Variants in PTPRQ observed in about 807,000 individuals in gnomAD.
PTPRQ encodes the protein protein tyrosine phosphatase receptor type Q, also known as phosphatidylinositol phosphatase PTPRQ.
Under a neutral mutation model 246.0 loss-of-function variants are expected in PTPRQ, and 199 were observed. The observed-to-expected ratio is 0.81, with a 90% CI of 0.72 to 0.91. PTPRQ has a LOEUF of 0.91. Ranked by LOEUF, PTPRQ falls within the 40% of genes least tolerant of loss-of-function variation. The probability of loss-of-function intolerance (pLI) is 0.00; values close to 1 mark genes in which losing one functional copy is unlikely to be tolerated. For synonymous variants in PTPRQ, 869 were observed against 853.2 expected, an observed-to-expected ratio of 1.02 and a Z score of -0.32; for missense variants, 2,624 against 2,528.4, an observed-to-expected ratio of 1.04 and a Z score of -0.81.
At chr12:80,572,845 G>A (rs1422784176) in intron 25 of PTPRQ, among the ~76,000 whole-genome samples, 1 of 152,032 alleles carries the variant, frequency 6.6e-6, no homozygotes, top group Non-Finnish European at 1.5e-5. Context: ...ACATTCCTGG[G>A]ATAAAACACA....
intron 33 of PTPRQ, among the ~76,000 whole-genome samples, chr12:80,622,623 A>G (rs1444277021): frequency 6.6e-6 from 1 of 152,084 alleles, no homozygotes; most frequent in African/African-American, 2.4e-5. Flanking sequence ...ACCAACACCC[A>G]GATTCTTTCA....
intron 6 of PTPRQ, among the ~76,000 whole-genome samples, chr12:80,465,780 A>G (rs1482170041): frequency 1.3e-5 from 2 of 152,190 alleles, no homozygotes; most frequent in Non-Finnish European, 2.9e-5. Flanking sequence ...ATAGATGCAG[A>G]AAAGGCCTTT....
At position 80,471,634 on chromosome 12, in the gene PTPRQ, C is replaced by T. The variant is rs548874032; in HGVS notation, c.1040-471C>T. 9.5e-5 allele frequency among the ~76,000 whole-genome samples: 13 copies of T among 136,394 alleles called. No homozygotes were observed. The East Asian group carries it at 1.0e-3, about 11-fold the overall frequency. The allele number at this position is 136,394 out of a possible 152,430, so 89.5% of individuals were successfully genotyped here. On this transcript the variant is annotated intron_variant, in intron 7 of 44. Transcript: ENST00000644991. Reference sequence around the variant, plus strand: ...CTGGGACTACAGGCGCGCGCCACTACGCCCGGCTAATTTTTTGTATTTTTA... The same window carrying T: ...CTGGGACTACAGGCGCGCGCCACTATGCCCGGCTAATTTTTTGTATTTTTA...
At chr12:80,473,611 A>G (rs188450673) in intron 8 of PTPRQ, among the ~76,000 whole-genome samples, 181 of 152,336 alleles carry the variant, frequency 1.2e-3, no homozygotes, top group Non-Finnish European at 2.1e-3. Flanking sequence ...CAATAAACAT[A>G]TTTTTATTGT....
intron 14 of PTPRQ, among the ~76,000 whole-genome samples, chr12:80,499,418 T>C (rs1894729198): frequency 6.6e-6 from 1 of 151,972 alleles, no homozygotes; most frequent in Non-Finnish European, 1.5e-5. Flanking sequence ...CCACTTTAGC[T>C]CCTTTGGCAA....
In PTPRQ at chr12:80,534,060, G is replaced by C; in HGVS notation, c.2724G>C (p.Leu908Phe). 1 of 1,533,178 alleles carries C rather than the reference G, an allele frequency of 6.5e-7. No individual in the cohort carries two copies. Among genetic ancestry groups the C allele is most frequent in the Non-Finnish European group, 8.8e-7 (1 of 1,140,160 alleles). The allele number at this position is 1,533,178 out of a possible 1,614,324, so 95.0% of individuals were successfully genotyped here. Residue 908 changes from leucine to phenylalanine, a missense_variant, in exon 18 of 45, where the codon TTG (leucine) becomes TTC (phenylalanine). Leu to Phe is a conservative substitution (Grantham distance 22, BLOSUM62 0). Coordinates refer to ENST00000644991, the MANE Select transcript of PTPRQ (RefSeq NM_001145026.2). ...LKTINVTETS[L>F]ELSDLDYNVE... The stretch of plus-strand genomic sequence containing the variant: ...CTATTAATGTCACTGAAACATCATT[G>C]GAGTTATCAGATTTGGATTATAATG...
At chr12:80,561,747 C>T (rs535979243) in intron 25 of PTPRQ, among the ~76,000 whole-genome samples, 70 of 152,204 alleles carry the variant, frequency 4.6e-4, no homozygotes, top group African/African-American at 1.6e-3. Context: ...GTCAGTTTTG[C>T]TTCTTCCTTT....
At chr12:80,626,296 G>A (rs752331266) in intron 33 of PTPRQ, among the ~76,000 whole-genome samples, 5 of 152,070 alleles carry the variant, frequency 3.3e-5, no homozygotes, top group Non-Finnish European at 5.9e-5. Context: ...GGTATATATT[G>A]AATTTATGAG....
chr12:80,469,070 G>A (rs766606734), intron 7 of PTPRQ, among the ~76,000 whole-genome samples: 1 of 152,152 alleles, frequency 6.6e-6, no homozygotes, highest in Non-Finnish European at 1.5e-5. Context: ...TGATGCATGT[G>A]AAAAACTAGA....
chr12:80,449,542 T>A (rs1301884524), intron 3 of PTPRQ, among the ~76,000 whole-genome samples: 1 of 152,122 alleles, frequency 6.6e-6, no homozygotes, highest in Non-Finnish European at 1.5e-5. Flanking sequence ...CATCTTGAAT[T>A]GATTTTTGTA....
At chr12:80,665,320 A>G (rs1170090489) in intron 39 of PTPRQ, among the ~76,000 whole-genome samples, 2 of 151,974 alleles carry the variant, frequency 1.3e-5, no homozygotes, top group Admixed American at 6.6e-5. Context: ...CTTCAATCCA[A>G]TCAAGATGAC....
At chr12:80,497,902 C>T (rs763066223) in intron 14 of PTPRQ, among the ~76,000 whole-genome samples, 29 of 152,080 alleles carry the variant, frequency 1.9e-4, no homozygotes, top group Admixed American at 9.2e-4. Flanking sequence ...ATACTATATA[C>T]GAATTTCTGT....
At chr12:80,478,465 C>A (rs1893903188) in intron 8 of PTPRQ, among the ~76,000 whole-genome samples, 1 of 152,066 alleles carries the variant, frequency 6.6e-6, no homozygotes, top group East Asian at 1.9e-4. Context: ...CTCTAAAAAG[C>A]AGAGCGCCTC....
At chr12:80,579,540 T>C (rs1897372345) in intron 25 of PTPRQ, among the ~76,000 whole-genome samples, 1 of 152,200 alleles carries the variant, frequency 6.6e-6, no homozygotes, top group Non-Finnish European at 1.5e-5. Flanking sequence ...TAGTTATTTC[T>C]ATTAACTAAA....
intron 33 of PTPRQ, among the ~76,000 whole-genome samples, chr12:80,623,839 T>C (rs1899090856): frequency 6.6e-6 from 1 of 152,158 alleles, no homozygotes; most frequent in South Asian, 2.1e-4. Context: ...AAAGAAAAGC[T>C]ATAAAAGGGG....
chr12:80,500,259 T>C (rs922557764), intron 14 of PTPRQ, among the ~76,000 whole-genome samples: 1 of 152,050 alleles, frequency 6.6e-6, no homozygotes, highest in South Asian at 2.1e-4. Context: ...AATCATTCCT[T>C]TTTATCCATC....
intron 8 of PTPRQ, among the ~76,000 whole-genome samples, chr12:80,481,316 A>G (rs550513838): frequency 6.6e-6 from 1 of 152,210 alleles, no homozygotes; most frequent in Non-Finnish European, 1.5e-5. Flanking sequence ...CTTTGACAAA[A>G]TTCAACAATC....
chr12:80,502,084 G>A (rs1894815869), intron 14 of PTPRQ, among the ~76,000 whole-genome samples: 1 of 151,994 alleles, frequency 6.6e-6, no homozygotes, highest in Non-Finnish European at 1.5e-5. Context: ...TACAGTGTAT[G>A]TGTGTTCACA....
chr12:80,468,428 TGTA>T (rs1893511155), intron 6 of PTPRQ, among the ~76,000 whole-genome samples: 1 of 152,152 alleles, frequency 6.6e-6, no homozygotes, highest in Non-Finnish European at 1.5e-5. Context: ...TGGCAATAAA[TGTA>T]TTACAATGAA....
Sources: allele counts gnomAD v4.1 joint callset (sites outside exome capture counted in the v4.1 genomes callset), GRCh38; gene constraint gnomAD v4.1.1; transcripts MANE v1.5; gene names NCBI Gene and HGNC (gene_info 2026-07-23, HGNC 2026-07-21).